The following XKR6 variants were observed in gnomAD, a reference collection of about 807,000 sequenced individuals.
XKR6 encodes the protein XK related 6, also known as XK-related protein 6.
In XKR6, 22 loss-of-function variants were observed where a neutral mutation model predicts 56.7. The ratio of observed to expected loss-of-function variants is 0.39; its 90% CI spans 0.28 to 0.55. The LOEUF is 0.55. Among genes scored for constraint, XKR6 ranks in the 20% least tolerant of loss-of-function variants. XKR6 has a pLI of 0.66. For synonymous variants in XKR6, 524 were observed against 387.8 expected, an observed-to-expected ratio of 1.35 and a Z score of -4.13; for missense variants, 852 against 889.0, an observed-to-expected ratio of 0.96 and a Z score of 0.53.
At chr8:10,948,802 C>T (rs530341431) in intron 1 of XKR6, among the ~76,000 whole-genome samples, 11 of 152,336 alleles carry the variant, frequency 7.2e-5, no homozygotes, top group African/African-American at 2.4e-4. Flanking sequence ...TCTGGGGAGA[C>T]GTGCTCATCT....
chr8:11,020,303 A>C (rs1307490543), intron 1 of XKR6, among the ~76,000 whole-genome samples: 1 of 152,176 alleles, frequency 6.6e-6, no homozygotes, highest in East Asian at 1.9e-4. Context: ...CGGAAGCACA[A>C]GTCCACTCTC....
At chr8:11,167,890 TAAAAAAAAAA>T (rs34853825) in intron 1 of XKR6, among the ~76,000 whole-genome samples, 8,490 of 108,424 alleles carry the variant, frequency 0.078, 524 homozygotes, top group African/African-American at 0.19. Context: ...CCCCATCTCT[TAAAAAAAAAA>T]AAAAAAAAAA....
chr8:11,160,127 C>A (rs956611753), intron 1 of XKR6, among the ~76,000 whole-genome samples: 1 of 152,140 alleles, frequency 6.6e-6, no homozygotes, highest in African/African-American at 2.4e-5. Context: ...CAAACTGACA[C>A]ACCATGCATT....
At chr8:10,943,970 T>G (rs1370453473) in intron 1 of XKR6, among the ~76,000 whole-genome samples, 1 of 152,160 alleles carries the variant, frequency 6.6e-6, no homozygotes, top group African/African-American at 2.4e-5. Flanking sequence ...TGCTTGCCTC[T>G]GTTTCCCACC....
chr8:11,030,201 G>C (rs923310687), intron 1 of XKR6, among the ~76,000 whole-genome samples: 8 of 152,078 alleles, frequency 5.3e-5, no homozygotes, highest in Admixed American at 3.9e-4. Context: ...CCACCTCCGC[G>C]TGGCTCCACA....
At position 10,928,224 on chromosome 8, in the gene XKR6, C is replaced by T. The variant is rs1175985267; in HGVS notation, c.765-3394G>A. Among the ~76,000 whole-genome samples the T allele has an allele frequency of 7.5e-4, 114 of 152,188 alleles. 1 individual carries two copies. Among genetic ancestry groups the T allele is most frequent in the Non-Finnish European group, 2.4e-4 (16 of 68,036 alleles). On this transcript the variant is annotated intron_variant, in intron 1 of 2. Coordinates refer to ENST00000416569, the MANE Select transcript of XKR6 (RefSeq NM_173683.4). ...GGCCCGGACGGGACCAGAATCCAGGCCTGACCCCATGACCTTGCTTGTCCA... is the reference window on the plus strand; with the variant it reads ...GGCCCGGACGGGACCAGAATCCAGGTCTGACCCCATGACCTTGCTTGTCCA...
intron 1 of XKR6, among the ~76,000 whole-genome samples, chr8:10,965,333 G>A (rs904974256): frequency 3.3e-5 from 5 of 152,192 alleles, no homozygotes; most frequent in African/African-American, 1.2e-4. Flanking sequence ...CGGGAGCAAC[G>A]GTGGAAGGCT....
intron 1 of XKR6, among the ~76,000 whole-genome samples, chr8:10,999,138 A>T (rs1485725605): frequency 6.6e-6 from 1 of 152,218 alleles, no homozygotes; most frequent in Non-Finnish European, 1.5e-5. Context: ...TCAAGCATGC[A>T]TTAATATCAG....
At chr8:11,016,390 G>A (rs576192719) in intron 1 of XKR6, among the ~76,000 whole-genome samples, 20 of 152,308 alleles carry the variant, frequency 1.3e-4, no homozygotes, top group East Asian at 3.9e-4. Context: ...GGGACGCCGG[G>A]GACTCGGGGT....
chr8:11,198,831 T>C (rs1804036747), intron 1 of XKR6, among the ~76,000 whole-genome samples: 1 of 152,094 alleles, frequency 6.6e-6, no homozygotes, highest in Non-Finnish European at 1.5e-5. Flanking sequence ...TACTGGTATG[T>C]TAAAATCTCT....
At chr8:10,964,478 T>C (rs1003349121) in intron 1 of XKR6, among the ~76,000 whole-genome samples, 1 of 152,110 alleles carries the variant, frequency 6.6e-6, no homozygotes, top group African/African-American at 2.4e-5. Flanking sequence ...GAAACAACCA[T>C]GACACACATC....
chr8:11,185,154 A>C (rs1803204896), intron 1 of XKR6, among the ~76,000 whole-genome samples: 1 of 152,174 alleles, frequency 6.6e-6, no homozygotes, highest in African/African-American at 2.4e-5. Flanking sequence ...CACCCTGTCC[A>C]GGACTGGTGC....
rs965912639 is a variant in XKR6, at chr8:11,200,406, G to A, written c.764+170C>T. On this transcript the variant is annotated intron_variant, in intron 1 of 2. Transcript: ENST00000416569. The surrounding 1 kb of genome is among the most constrained non-coding windows in gnomAD (Gnocchi z 6.4). ...CCTCCCCGGGCCAAAGGCGTGGCCAGGGATCCAGATCAAACGCCGGTCTTT... is the reference window on the plus strand; with the variant it reads ...CCTCCCCGGGCCAAAGGCGTGGCCAAGGATCCAGATCAAACGCCGGTCTTT... 2.0e-4 allele frequency among the ~76,000 whole-genome samples: 31 copies of A among 152,226 alleles called. No homozygotes were observed. Among genetic ancestry groups the A allele is most frequent in the African/African-American group, 7.0e-4 (29 of 41,474 alleles).
intron 1 of XKR6, among the ~76,000 whole-genome samples, chr8:11,071,460 T>TAAGTCTATGAGCCCC (rs1563117483): frequency 8.1e-6 from 1 of 122,724 alleles, no homozygotes; most frequent in African/African-American, 3.5e-5. Flanking sequence ...TTTACACCTT[T>TAAGTCTATGAGCCCC]AAGTCTATGA....
At chr8:10,924,894 T>C in intron 1 of XKR6, 64 bp from the exon 2 acceptor site, 1 of 1,525,694 alleles carries the variant, frequency 6.6e-7, no homozygotes, top group Admixed American at 1.8e-5. Flanking sequence ...AGAGGACCCT[T>C]GCCATCCCCC....
chr8:11,125,086 C>T (rs1799699984), intron 1 of XKR6, among the ~76,000 whole-genome samples: 1 of 133,982 alleles, frequency 7.5e-6, no homozygotes. Flanking sequence ...AAGACTCTGT[C>T]TCAAAAAAAA....
intron 1 of XKR6, among the ~76,000 whole-genome samples, chr8:11,029,511 T>C (rs1798943877): frequency 6.6e-6 from 1 of 152,166 alleles, no homozygotes; most frequent in African/African-American, 2.4e-5. Flanking sequence ...GAAGGACATG[T>C]GAGCATACTA....
chr8:11,045,605 AT>A (rs1250051995), intron 1 of XKR6, among the ~76,000 whole-genome samples: 2 of 152,226 alleles, frequency 1.3e-5, no homozygotes, highest in Non-Finnish European at 2.9e-5. Context: ...GGAGGGTTAA[AT>A]TAAACAATGT....
chr8:10,948,174 G>T (rs779382297), intron 1 of XKR6, among the ~76,000 whole-genome samples: 9 of 152,176 alleles, frequency 5.9e-5, no homozygotes, highest in Non-Finnish European at 1.3e-4. Flanking sequence ...TCCCAGCTAC[G>T]GGTGAAGAGG....
Sources: allele counts gnomAD v4.1 joint callset (sites outside exome capture counted in the v4.1 genomes callset), GRCh38; gene constraint gnomAD v4.1.1; non-coding constraint Gnocchi (gnomAD v3.1); transcripts MANE v1.5; gene names NCBI Gene and HGNC (gene_info 2026-07-23, HGNC 2026-07-21).